The following GJA1 variants were observed in gnomAD, a reference collection of about 807,000 sequenced individuals.
The protein encoded by GJA1 is gap junction alpha-1 protein.
Under a neutral mutation model 31.0 loss-of-function variants are expected in GJA1, and 9 were observed. That is an observed-to-expected ratio of 0.29 (90% CI 0.17 to 0.51). GJA1 has a LOEUF of 0.51. GJA1 is among the 20% of genes least tolerant of loss of function. The pLI is 0.98. For missense variants in GJA1, 278 were observed against 468.8 expected, an observed-to-expected ratio of 0.59 and a Z score of 3.76; for synonymous variants, 186 against 180.1, an observed-to-expected ratio of 1.03 and a Z score of -0.26.
In GJA1 at chr6:121,437,298, A is replaced by T. The variant is rs371643964; in HGVS notation, c.-17+1466A>T. Among the ~76,000 whole-genome samples the T allele has an allele frequency of 5.9e-5, 9 of 151,574 alleles. 1 individual carries two copies. The South Asian group carries it at 1.7e-3, about 28-fold the overall frequency. ...GGGCTGGGTGCCAAATGGTAGAACA[A>T]ATGGTTGATTTAATTAAAGTTGTCA... On this transcript the variant is annotated intron_variant, in intron 1 of 1. Coordinates refer to ENST00000282561, the MANE Select transcript of GJA1 (RefSeq NM_000165.5).
chr6:121,446,463 A>G (rs970046603), intron 1 of GJA1, among the ~76,000 whole-genome samples: 1 of 152,198 alleles, frequency 6.6e-6, no homozygotes, highest in Non-Finnish European at 1.5e-5. Context: ...ACACAGATCT[A>G]CCAGGCAAAA....
In GJA1 at chr6:121,447,433, G is replaced by A. The variant is rs1421231918; in HGVS notation, c.586G>A (p.Val196Met). The A allele has an allele frequency of 1.2e-6, 2 of 1,614,004 alleles. No homozygotes were observed. Among genetic ancestry groups the A allele is most frequent in the Middle Eastern group, 1.7e-4 (1 of 6,060 alleles). Reference protein sequence around the residue: ...TCKRDPCPHQVDCFLSRPTEK... With the variant: ...TCKRDPCPHQMDCFLSRPTEK... The stretch of plus-strand genomic sequence containing the variant: ...CAAAAGAGATCCCTGCCCACATCAG[G>A]TGGACTGTTTCCTCTCTCGCCCCAC... The change falls in exon 2 of 2, where the codon GTG becomes ATG. Residue 196 changes from valine (V) to methionine (M), a missense_variant. Physicochemically the swap from Val to Met is conservative, Grantham distance 21. Around this residue, in one of 3 missense-constraint regions of GJA1, gnomAD observed 80 missense variants for 163.5 expected, o/e 0.49. Coordinates refer to ENST00000282561, the MANE Select transcript of GJA1 (RefSeq NM_000165.5).
At chr6:121,438,756 A>C (rs1169477722) in intron 1 of GJA1, among the ~76,000 whole-genome samples, 1 of 152,216 alleles carries the variant, frequency 6.6e-6, no homozygotes, top group Non-Finnish European at 1.5e-5. Flanking sequence ...TGGATAATTC[A>C]AGTTTTAAAA....
chr6:121,437,543 G>C (rs910724665), intron 1 of GJA1, among the ~76,000 whole-genome samples: 3 of 151,944 alleles, frequency 2.0e-5, no homozygotes, highest in Non-Finnish European at 4.4e-5. Flanking sequence ...AGAGACCCTC[G>C]GGAAGCTGAT....
intron 1 of GJA1, among the ~76,000 whole-genome samples, chr6:121,441,401 G>A (rs1773778908): frequency 6.6e-6 from 1 of 152,044 alleles, no homozygotes; most frequent in African/African-American, 2.4e-5. Flanking sequence ...TCAAGCACTG[G>A]GGATACAGCA....
At position 121,447,683 on chromosome 6, in the gene GJA1, C is replaced by T. The variant is rs1265740574; in HGVS notation, c.836C>T (p.Ser279Leu). The T allele has an allele frequency of 2.5e-6, 4 of 1,613,952 alleles. No individual in the cohort carries two copies. The highest frequency in any genetic ancestry group is 2.2e-5 in the East Asian group (1 of 44,876). The change falls in exon 2 of 2, where the codon TCG (serine) becomes TTG (leucine). Residue 279 changes from serine (S) to leucine (L), a missense_variant. Physicochemically the swap from Ser to Leu is moderately radical, Grantham distance 145 (BLOSUM62 -2). Transcript: ENST00000282561. ...TGCTCCTCACCAACCGCTCCCCTCT[C>T]GCCTATGTCTCCTCCTGGGTACAAG... Reference protein sequence around the residue: ...NGCSSPTAPLSPMSPPGYKLV... With the variant: ...NGCSSPTAPLLPMSPPGYKLV...
chr6:121,437,133 C>T (rs961413788), intron 1 of GJA1, among the ~76,000 whole-genome samples: 1 of 152,220 alleles, frequency 6.6e-6, no homozygotes, highest in Admixed American at 6.5e-5. Context: ...TGCCGGGATC[C>T]TTCCCGCGCC....
intron 1 of GJA1, among the ~76,000 whole-genome samples, chr6:121,441,776 G>C (rs1312166914): frequency 6.6e-6 from 1 of 152,078 alleles, no homozygotes; most frequent in African/African-American, 2.4e-5. Flanking sequence ...CAAGTAGGGT[G>C]ACCAGGCTAA....
intron 1 of GJA1, among the ~76,000 whole-genome samples, chr6:121,437,179 C>T (rs73532213): frequency 0.043 from 6,512 of 152,220 alleles, 346 homozygotes; most frequent in African/African-American, 0.12. Context: ...TGGGACGTTT[C>T]CCCCAAATCC....
rs551565537 is a variant in GJA1, at chr6:121,449,247, A to C, written c.*1251A>C. 6.0e-6 allele frequency: 1 copy of C among 167,230 alleles called. No individual in the cohort carries two copies. Among genetic ancestry groups the C allele is most frequent in the South Asian group, 2.1e-4 (1 of 4,830 alleles). The allele number at this position is 167,230 out of a possible 1,614,324, so 10.4% of individuals were successfully genotyped here. ...GAAAAAATGCTTAGAGTGGACTATT[A>C]AATGTGCCTAAATGAATTTTGCAGT... On this transcript the variant is annotated 3_prime_UTR_variant, in exon 2 of 2. Transcript: ENST00000282561.
chr6:121,447,678 C>A lies in GJA1; in HGVS notation c.831C>A (p.Pro277=), dbSNP rs759510089. ...YFNGCSSPTA[P]LSPMSPPGYK... Reference sequence around the variant, plus strand: ...ATGGCTGCTCCTCACCAACCGCTCCCCTCTCGCCTATGTCTCCTCCTGGGT... The same window carrying A: ...ATGGCTGCTCCTCACCAACCGCTCCACTCTCGCCTATGTCTCCTCCTGGGT... The change falls in exon 2 of 2, where the codon CCC becomes CCA. Residue 277 remains proline, a synonymous_variant. Coordinates refer to ENST00000282561, the MANE Select transcript of GJA1 (RefSeq NM_000165.5). 3 of 1,613,988 alleles carry A rather than the reference C, an allele frequency of 1.9e-6. No homozygotes were observed. The East Asian group carries it at 6.7e-5, about 36-fold the overall frequency.
At chr6:121,437,604 G>T (rs1462049634) in intron 1 of GJA1, among the ~76,000 whole-genome samples, 1 of 152,006 alleles carries the variant, frequency 6.6e-6, no homozygotes, top group Non-Finnish European at 1.5e-5. Flanking sequence ...CCTCACGGTC[G>T]TAGCAGCGCT....
At chr6:121,441,029 G>A (rs926562004) in intron 1 of GJA1, among the ~76,000 whole-genome samples, 2 of 151,764 alleles carry the variant, frequency 1.3e-5, no homozygotes, top group African/African-American at 2.4e-5. Context: ...TGCAAGCTCC[G>A]CCTCCCGGGT....
At chr6:121,445,779 T>C (rs546460440) in intron 1 of GJA1, among the ~76,000 whole-genome samples, 1 of 152,268 alleles carries the variant, frequency 6.6e-6, no homozygotes, top group Admixed American at 6.5e-5. Flanking sequence ...TATATTTCCA[T>C]ACAGCCTACT....
In GJA1 at chr6:121,449,517, G is replaced by A. The variant is rs1212041433; in HGVS notation, c.*1521G>A. The A allele has an allele frequency of 6.0e-6, 1 of 166,988 alleles. No homozygotes were observed. The highest frequency in any genetic ancestry group is 1.9e-4 in the East Asian group (1 of 5,192). 10.3% of individuals were successfully genotyped at this position (166,988 alleles called of 1,614,324 possible). A position where few individuals can be genotyped will look rare whatever the true frequency, so the allele number is the denominator to read the frequency against. On this transcript the variant is annotated 3_prime_UTR_variant, in exon 2 of 2. Transcript: ENST00000282561. The stretch of plus-strand genomic sequence containing the variant: ...TTTTAAAACTCATCACAGAAGATTG[G>A]TGAAAATGCTGAGTATGACACTTTT...
At chr6:121,446,720 TAGAA>T (rs1317170791) in intron 1 of GJA1, 108 bp from the exon 2 acceptor site, 1 of 809,906 alleles carries the variant, frequency 1.2e-6, no homozygotes, top group South Asian at 1.4e-5. Flanking sequence ...GAAAGAATGT[TAGAA>T]ATACGTGAAA....
intron 1 of GJA1, among the ~76,000 whole-genome samples, chr6:121,440,178 A>G (rs1352879730): frequency 6.6e-6 from 1 of 151,856 alleles, no homozygotes; most frequent in Non-Finnish European, 1.5e-5. Flanking sequence ...TCGTAGAACT[A>G]GGGGACAACC....
intron 1 of GJA1, among the ~76,000 whole-genome samples, chr6:121,440,259 G>A (rs1359015558): frequency 6.6e-6 from 1 of 151,502 alleles, no homozygotes; most frequent in African/African-American, 2.4e-5. Context: ...ACCTAACAGT[G>A]AACTGAATGT....
intron 1 of GJA1, among the ~76,000 whole-genome samples, chr6:121,443,496 GAAC>G (rs1264059117): frequency 6.6e-6 from 1 of 152,054 alleles, no homozygotes; most frequent in Non-Finnish European, 1.5e-5. Flanking sequence ...TATTAAAAAA[GAAC>G]TAATGAAGAG....
Sources: gnomAD v4.1 joint callset for allele counts (sites outside exome capture counted in the v4.1 genomes callset) on GRCh38, gnomAD v4.1.1 for gene constraint, gnomAD v4.1.1 regional missense constraint, MANE v1.5 for transcripts, NCBI Gene and HGNC (gene_info 2026-07-23, HGNC 2026-07-21) for gene names.